ERBB4: variants seen among roughly 807,000 people sequenced by gnomAD.
ERBB4 encodes erb-b2 receptor tyrosine kinase 4.
ERBB4 carries 42 observed loss-of-function variants against 158.0 expected under a neutral mutation model. The ratio of observed to expected loss-of-function variants is 0.27; its 90% CI spans 0.21 to 0.34. The LOEUF is 0.34. ERBB4 is among the 10% of genes least tolerant of loss of function. The probability of loss-of-function intolerance (pLI) is 1.00; values close to 1 mark genes in which losing one functional copy is unlikely to be tolerated. For synonymous variants in ERBB4, 583 were observed against 558.7 expected (o/e 1.04, Z -0.61); for missense variants, 1,333 against 1,624.1 (o/e 0.82, Z 3.08).
chr2:212,032,078 G>T (rs1253981457), intron 2 of ERBB4, among the ~76,000 whole-genome samples: 1 of 152,020 alleles, frequency 6.6e-6, no homozygotes. Context: ...TGTAAATCCA[G>T]ATTCAGACCA....
At chr2:211,801,929 A>G (rs1216415369) in intron 3 of ERBB4, among the ~76,000 whole-genome samples, 2 of 152,286 alleles carry the variant, frequency 1.3e-5, no homozygotes, top group Admixed American at 1.3e-4. Flanking sequence ...CTGAGATGCA[A>G]GGGAGACAAA....
chr2:211,720,750 C>A (rs946898814), intron 7 of ERBB4, among the ~76,000 whole-genome samples: 1 of 152,124 alleles, frequency 6.6e-6, no homozygotes, highest in Non-Finnish European at 1.5e-5. Flanking sequence ...ACAGTTTATC[C>A]TTCTGTTTCT....
At chr2:211,418,994 G>T (rs1417196076) in intron 25 of ERBB4, among the ~76,000 whole-genome samples, 2 of 152,116 alleles carry the variant, frequency 1.3e-5, no homozygotes, top group Non-Finnish European at 2.9e-5. Flanking sequence ...TTCCATATCA[G>T]ATCTTCTAAA....
chr2:211,867,987 C>T (rs553976956), intron 3 of ERBB4, among the ~76,000 whole-genome samples: 21 of 152,264 alleles, frequency 1.4e-4, no homozygotes, highest in Admixed American at 1.3e-3. Context: ...GGCATCTGCT[C>T]AAGAATGGGA....
At chr2:211,927,555 TA>T (rs2080049567) in intron 3 of ERBB4, among the ~76,000 whole-genome samples, 1 of 152,084 alleles carries the variant, frequency 6.6e-6, no homozygotes, top group Non-Finnish European at 1.5e-5. Context: ...AATGAGATTC[TA>T]AAATAAACAG....
chr2:212,345,518 A>C (rs1249442859), intron 1 of ERBB4, among the ~76,000 whole-genome samples: 1 of 152,052 alleles, frequency 6.6e-6, no homozygotes, highest in African/African-American at 2.4e-5. Context: ...AGCTTTAAAA[A>C]ATGGAGAAAC....
intron 1 of ERBB4, among the ~76,000 whole-genome samples, chr2:212,172,089 C>CA (rs1246350738): frequency 6.6e-6 from 1 of 151,738 alleles, no homozygotes; most frequent in Non-Finnish European, 1.5e-5. Context: ...CACAACCCCC[C>CA]AAAAAAGTGA....
chr2:211,653,730 A>G (rs1487639251), intron 16 of ERBB4, among the ~76,000 whole-genome samples: 2 of 152,020 alleles, frequency 1.3e-5, no homozygotes, highest in Non-Finnish European at 2.9e-5. Context: ...GCTGGAGTGT[A>G]GTGACACGAC....
intron 1 of ERBB4, among the ~76,000 whole-genome samples, chr2:212,331,504 T>C (rs758953695): frequency 1.3e-5 from 2 of 151,986 alleles, no homozygotes; most frequent in Non-Finnish European, 2.9e-5. Context: ...TCAGTTTTTA[T>C]ATCATAAAAC....
intron 1 of ERBB4, among the ~76,000 whole-genome samples, chr2:212,134,980 C>A (rs1427234492): frequency 2.0e-5 from 3 of 152,150 alleles, no homozygotes; most frequent in Admixed American, 1.3e-4. Flanking sequence ...GCCACCGCGC[C>A]TGGCCTACTA....
intron 3 of ERBB4, among the ~76,000 whole-genome samples, chr2:211,828,344 T>A (rs67039924): frequency 0.23 from 35,051 of 151,688 alleles, 4,140 homozygotes; most frequent in South Asian, 0.32. Flanking sequence ...AGAAGAAAAA[T>A]AAACCCACAA....
chr2:212,022,734 T>A (rs903614196), intron 2 of ERBB4, among the ~76,000 whole-genome samples: 3 of 151,838 alleles, frequency 2.0e-5, no homozygotes, highest in Non-Finnish European at 4.4e-5. Context: ...ATTAACTGGG[T>A]TTGAGTTTTA....
intron 3 of ERBB4, among the ~76,000 whole-genome samples, chr2:211,886,794 T>TA (rs2106168103): frequency 6.6e-6 from 1 of 152,336 alleles, no homozygotes; most frequent in East Asian, 1.9e-4. Context: ...ACTGTCCTAT[T>TA]ACTTGTATGG....
intron 1 of ERBB4, among the ~76,000 whole-genome samples, chr2:212,474,745 A>G (rs898580622): frequency 6.6e-5 from 10 of 151,746 alleles, no homozygotes; most frequent in Admixed American, 3.3e-4. Flanking sequence ...GGCATTTCCA[A>G]TAGAATACTC....
chr2:212,121,067 T>C (rs1264617709), intron 2 of ERBB4, among the ~76,000 whole-genome samples: 2 of 152,212 alleles, frequency 1.3e-5, no homozygotes, highest in Non-Finnish European at 2.9e-5. Flanking sequence ...TTGTAGCATA[T>C]TCAAAGGTAT....
chr2:212,417,291 G>C (rs921280133), intron 1 of ERBB4, among the ~76,000 whole-genome samples: 3 of 152,004 alleles, frequency 2.0e-5, no homozygotes, highest in Non-Finnish European at 4.4e-5. Context: ...AGAAAAACAA[G>C]TCAAGATTGT....
At chr2:211,773,643 TATATAA>T (rs2075792995) in intron 4 of ERBB4, among the ~76,000 whole-genome samples, 3 of 85,760 alleles carry the variant, frequency 3.5e-5, no homozygotes, top group Admixed American at 1.3e-4. Context: ...TATATATATA[TATATAA>T]TATATATACA....
chr2:212,115,294 T>G (rs1457837632), intron 2 of ERBB4, among the ~76,000 whole-genome samples: 3 of 152,146 alleles, frequency 2.0e-5, no homozygotes, highest in Non-Finnish European at 2.9e-5. Flanking sequence ...TAAAATTGAT[T>G]TGGTCTCATG....
chr2:211,856,863 T>C (rs1337021191), intron 3 of ERBB4, among the ~76,000 whole-genome samples: 1 of 152,136 alleles, frequency 6.6e-6, no homozygotes, highest in Non-Finnish European at 1.5e-5. Flanking sequence ...AACAATATGA[T>C]AGAAAACAAA....
Sources: allele counts gnomAD v4.1 joint callset (sites outside exome capture counted in the v4.1 genomes callset), GRCh38; gene constraint gnomAD v4.1.1; transcripts MANE v1.5; gene names NCBI Gene and HGNC (gene_info 2026-07-23, HGNC 2026-07-21).